Variants in GRB2 observed in about 807,000 individuals in gnomAD.
GRB2 encodes the protein growth factor receptor bound protein 2.
A neutral mutation model predicts 27.4 loss-of-function variants in GRB2; 2 were observed. The ratio of observed to expected loss-of-function variants is 0.07; its 90% CI spans 0.03 to 0.23. GRB2 has a LOEUF of 0.23. GRB2 is among the 10% of genes least tolerant of loss of function. GRB2 has a pLI of 1.00. For missense variants in GRB2, 102 were observed against 282.4 expected (o/e 0.36, Z 4.58); for synonymous variants, 94 against 99.6 (o/e 0.94, Z 0.33).
intron 2 of GRB2, among the ~76,000 whole-genome samples, chr17:75,351,039 C>T (rs2078689285): frequency 6.6e-6 from 1 of 152,076 alleles, no homozygotes; most frequent in Admixed American, 6.6e-5. Flanking sequence ...ATGGTTCTGG[C>T]TTGTGTGTGG....
At chr17:75,366,261 T>A (rs1192922060) in intron 2 of GRB2, among the ~76,000 whole-genome samples, 1 of 152,094 alleles carries the variant, frequency 6.6e-6, no homozygotes, top group African/African-American at 2.4e-5. Context: ...TGTGAGCCAA[T>A]ACACACATAA....
At chr17:75,387,473 A>G (rs574437221) in intron 2 of GRB2, 3 of 150,746 alleles carry the variant, frequency 2.0e-5, no homozygotes, top group Admixed American at 1.3e-4. Flanking sequence ...AAAAAAGTCA[A>G]TATTTCAGCA....
At chr17:75,337,889 CTACTACTACTACTATTAT>C (rs2078589643) in intron 2 of GRB2, among the ~76,000 whole-genome samples, 3 of 125,414 alleles carry the variant, frequency 2.4e-5, no homozygotes, top group Admixed American at 8.3e-5. Context: ...ACTACTACTA[CTACTACTACTACTATTAT>C]TATTATTATT....
chr17:75,375,894 G>A (rs2066038427), intron 2 of GRB2, among the ~76,000 whole-genome samples: 1 of 151,842 alleles, frequency 6.6e-6, no homozygotes, highest in South Asian at 2.1e-4. Flanking sequence ...GCGTGGTGGT[G>A]GGCGCCTGTA....
intron 2 of GRB2, among the ~76,000 whole-genome samples, chr17:75,346,383 C>T (rs987217020): frequency 1.3e-5 from 2 of 151,758 alleles, no homozygotes; most frequent in Non-Finnish European, 2.9e-5. Context: ...GTAGTCCCAG[C>T]TACTCGGGGG....
chr17:75,390,313 A>T (rs1023185135), intron 2 of GRB2, among the ~76,000 whole-genome samples: 1 of 152,210 alleles, frequency 6.6e-6, no homozygotes, highest in Non-Finnish European at 1.5e-5. Context: ...CACAGTTTGA[A>T]GTATGTATAC....
intron 2 of GRB2, among the ~76,000 whole-genome samples, chr17:75,376,263 T>G (rs539371777): frequency 4.9e-5 from 7 of 143,832 alleles, no homozygotes; most frequent in Admixed American, 3.0e-4. Context: ...GAGAATTGCT[T>G]GAACCTGGGA....
At chr17:75,395,645 G>C (rs2079024846) in intron 1 of GRB2, among the ~76,000 whole-genome samples, 1 of 152,114 alleles carries the variant, frequency 6.6e-6, no homozygotes, top group Non-Finnish European at 1.5e-5. Context: ...AAAATGGATA[G>C]AGTATTTCTA....
At chr17:75,341,611 CAGGG>C (rs1438899446) in intron 2 of GRB2, among the ~76,000 whole-genome samples, 4 of 152,036 alleles carry the variant, frequency 2.6e-5, no homozygotes, top group Non-Finnish European at 5.9e-5. Flanking sequence ...GAAGGAAAGA[CAGGG>C]AGGAGGACAA....
Position 75,320,526 on chromosome 17 carries a change from C to T in GRB2, c.496G>A (p.Asp166Asn). 1 of 1,613,974 alleles carries T rather than the reference C, an allele frequency of 6.2e-7. No individual in the cohort carries two copies. The highest frequency in any genetic ancestry group is 8.5e-7 in the Non-Finnish European group (1 of 1,179,952). The change falls in exon 6 of 6, where the codon GAC becomes AAC. Residue 166 changes from aspartate (D) to asparagine (N), a missense_variant. By Grantham distance (23) the Asp-to-Asn change is conservative. Coordinates refer to ENST00000316804, the MANE Select transcript of GRB2 (RefSeq NM_002086.5). This position sits in a 1 kb window ranked among gnomAD's most constrained non-coding sequence, Gnocchi z 4.3. ...TCTCCATCCTCCTGGGGATCAAAGT[C>T]AAAGAGGGCCTGGACGTATGTCGGC... The part of the protein sequence containing the change: ...QQPTYVQALF[D>N]FDPQEDGELG...
intron 2 of GRB2, among the ~76,000 whole-genome samples, chr17:75,358,377 G>A (rs1378749087): frequency 6.6e-6 from 1 of 152,066 alleles, no homozygotes; most frequent in African/African-American, 2.4e-5. Context: ...TACACTATGG[G>A]TGGAGTGTGT....
chr17:75,393,385 T>C lies in GRB2; in HGVS notation c.78+166A>G. On this transcript the variant is annotated intron_variant, in intron 2 of 5. Transcript: ENST00000316804. ...ACATCACACCAACTCACTTAAGTCA[T>C]ATTTAATATTCTACTCAGCATCTAA... 3 of 649,382 alleles carry C rather than the reference T, an allele frequency of 4.6e-6. No homozygotes were observed. The South Asian group carries it at 5.4e-5, about 12-fold the overall frequency. The allele number at this position is 649,382 out of a possible 1,614,324, so 40.2% of individuals were successfully genotyped here. A position where few individuals can be genotyped will look rare whatever the true frequency, so the allele number is the denominator to read the frequency against.
chr17:75,356,983 G>A (rs1250902359), intron 2 of GRB2, among the ~76,000 whole-genome samples: 2 of 152,094 alleles, frequency 1.3e-5, no homozygotes, highest in Admixed American at 6.6e-5. Context: ...TCCCCATCCA[G>A]GCTAATGGCT....
Position 75,339,558 on chromosome 17 carries a change from G to T in GRB2, c.79-6761C>A, listed in dbSNP as rs117932757. ...GTTTATCTCACATTTCCTGACCTGG[G>T]TGTGTTCTGTTTGTGAAAGTTCACT... On this transcript the variant is annotated intron_variant, in intron 2 of 5. Transcript: ENST00000316804. Among the ~76,000 whole-genome samples the T allele has an allele frequency of 8.7e-3, 1,325 of 151,832 alleles. 9 individuals carry two copies. Among genetic ancestry groups the T allele is most frequent in the Non-Finnish European group, 0.014 (965 of 67,930 alleles).
At chr17:75,397,811 C>T (rs1354744778) in intron 1 of GRB2, among the ~76,000 whole-genome samples, 3 of 127,138 alleles carry the variant, frequency 2.4e-5, no homozygotes, top group Non-Finnish European at 3.2e-5. Context: ...GTAATAATCA[C>T]TCAAAATTTA....
At chr17:75,337,795 T>C (rs2078588223) in intron 2 of GRB2, among the ~76,000 whole-genome samples, 1 of 150,544 alleles carries the variant, frequency 6.6e-6, no homozygotes, top group Non-Finnish European at 1.5e-5. Context: ...GGTCTTGATC[T>C]GACCTCGTGA....
At chr17:75,379,897 T>C (rs1475115496) in intron 2 of GRB2, among the ~76,000 whole-genome samples, 1 of 152,198 alleles carries the variant, frequency 6.6e-6, no homozygotes, top group Non-Finnish European at 1.5e-5. Flanking sequence ...TTTGTCTCAT[T>C]AGTAATTTTA....
chr17:75,346,578 CTTT>C (rs775027742), intron 2 of GRB2, among the ~76,000 whole-genome samples: 44 of 68,754 alleles, frequency 6.4e-4, no homozygotes, highest in East Asian at 2.4e-3. Flanking sequence ...CTTTTCTTGC[CTTT>C]TTTTTTTTTT....
Position 75,337,901 on chromosome 17 carries a change from C to CTATTAT in GRB2, c.79-5110_79-5105dup, listed in dbSNP as rs71361670. 1.7e-3 allele frequency among the ~76,000 whole-genome samples: 202 copies of CTATTAT among 117,370 alleles called. 2 individuals are homozygous for CTATTAT. Among genetic ancestry groups the CTATTAT allele is most frequent in the African/African-American group, 3.8e-3 (91 of 24,218 alleles). The allele number at this position is 117,370 out of a possible 152,430, so 77.0% of individuals were successfully genotyped here. A position where few individuals can be genotyped will look rare whatever the true frequency, so the allele number is the denominator to read the frequency against. ...ACTACTACTACTACTACTACTACTA[C>CTATTAT]TATTATTATTATTATTATTATTATT... On this transcript the variant is annotated intron_variant, in intron 2 of 5. Coordinates refer to ENST00000316804, the MANE Select transcript of GRB2 (RefSeq NM_002086.5).
Sources: allele counts gnomAD v4.1 joint callset (sites outside exome capture counted in the v4.1 genomes callset), GRCh38; gene constraint gnomAD v4.1.1; non-coding constraint Gnocchi (gnomAD v3.1); transcripts MANE v1.5; gene names NCBI Gene and HGNC (gene_info 2026-07-23, HGNC 2026-07-21).